The following SLC7A2 variants were observed in gnomAD, a reference collection of about 807,000 sequenced individuals.
SLC7A2 encodes solute carrier family 7 member 2.
Under a neutral mutation model 58.9 loss-of-function variants are expected in SLC7A2, and 48 were observed. The ratio of observed to expected loss-of-function variants is 0.82; its 90% CI spans 0.65 to 1.04. The LOEUF (loss-of-function observed/expected upper bound fraction) is 1.04, where lower values mean the gene tolerates loss of function less well. Among genes scored for constraint, SLC7A2 ranks in the 50% least tolerant of loss-of-function variants. The pLI is 0.00. For synonymous variants in SLC7A2, 363 were observed against 314.5 expected, an observed-to-expected ratio of 1.15 and a Z score of -1.63; for missense variants, 1,029 against 818.8, an observed-to-expected ratio of 1.26 and a Z score of -3.13.
chr8:17,509,220 A>C (rs1210134679), intron 2 of SLC7A2, among the ~76,000 whole-genome samples: 1 of 152,188 alleles, frequency 6.6e-6, no homozygotes, highest in Non-Finnish European at 1.5e-5. Context: ...CTGAAATCTA[A>C]CTTTGTATCC....
At position 17,563,749 on chromosome 8, in the gene SLC7A2, T is replaced by A. The variant is rs373340222; in HGVS notation, c.1780+38T>A. 46 of 1,207,910 alleles carry A rather than the reference T, an allele frequency of 3.8e-5. No homozygotes were observed. In the South Asian group the frequency reaches 4.4e-4, roughly 11 times the overall value. 74.8% of individuals were successfully genotyped at this position (1,207,910 alleles called of 1,614,324 possible). A position where few individuals can be genotyped will look rare whatever the true frequency, so the allele number is the denominator to read the frequency against. On this transcript the variant is annotated intron_variant, in intron 12 of 12. Transcript: ENST00000494857. ...ATGTCGGGTTCTCTTTCCTATTTCA[T>A]GTGCTGTGATGAGAGAAACATGCCC...
chr8:17,507,510 G>T (rs954786895), intron 2 of SLC7A2, among the ~76,000 whole-genome samples: 1 of 151,930 alleles, frequency 6.6e-6, no homozygotes, highest in South Asian at 2.1e-4. Flanking sequence ...CACTGTACCT[G>T]GCCTTTTTAA....
intron 2 of SLC7A2, among the ~76,000 whole-genome samples, chr8:17,504,570 A>G (rs948367462): frequency 9.2e-5 from 14 of 152,322 alleles, no homozygotes; most frequent in African/African-American, 3.4e-4. Context: ...GTATTTCTAT[A>G]TGCATTCCTT....
At chr8:17,528,195 G>A (rs1372726497) in intron 2 of SLC7A2, among the ~76,000 whole-genome samples, 5 of 152,176 alleles carry the variant, frequency 3.3e-5, no homozygotes, top group Non-Finnish European at 5.9e-5. Flanking sequence ...ACCCAGCAGA[G>A]CTCCGTACAC....
intron 2 of SLC7A2, among the ~76,000 whole-genome samples, chr8:17,507,449 A>G (rs951632212): frequency 2.6e-5 from 4 of 152,022 alleles, no homozygotes; most frequent in Non-Finnish European, 5.9e-5. Context: ...CCTGGCCTCA[A>G]ATGATCTTCT....
At chr8:17,551,063 A>G (rs1802425514) in intron 6 of SLC7A2, among the ~76,000 whole-genome samples, 1 of 152,218 alleles carries the variant, frequency 6.6e-6, no homozygotes, top group South Asian at 2.1e-4. Flanking sequence ...TTAAGGGCCT[A>G]CCGAATGGCA....
At chr8:17,554,157 C>G (rs965099605) in intron 7 of SLC7A2, among the ~76,000 whole-genome samples, 4 of 152,070 alleles carry the variant, frequency 2.6e-5, no homozygotes, top group African/African-American at 7.3e-5. Context: ...ATTACTTAGT[C>G]TTTTCTTTAA....
chr8:17,525,690 C>G (rs999087470), intron 2 of SLC7A2, among the ~76,000 whole-genome samples: 2 of 152,168 alleles, frequency 1.3e-5, no homozygotes, highest in Non-Finnish European at 2.9e-5. Flanking sequence ...TATGAGTTTG[C>G]ACTCAGGGTA....
intron 2 of SLC7A2, among the ~76,000 whole-genome samples, chr8:17,509,865 G>C (rs898076505): frequency 6.6e-6 from 1 of 152,076 alleles, no homozygotes; most frequent in Admixed American, 6.6e-5. Context: ...GAAGAAGCCT[G>C]TGTGTTTCAT....
intron 2 of SLC7A2, among the ~76,000 whole-genome samples, chr8:17,507,848 G>A (rs1439551306): frequency 1.3e-5 from 2 of 152,088 alleles, no homozygotes; most frequent in Non-Finnish European, 2.9e-5. Context: ...CAGGAAGAGT[G>A]GAAAAGGAAG....
intron 2 of SLC7A2, among the ~76,000 whole-genome samples, chr8:17,515,483 A>G (rs554024891): frequency 6.6e-6 from 1 of 151,934 alleles, no homozygotes; most frequent in African/African-American, 2.4e-5. Flanking sequence ...TTTAGTAGAG[A>G]TGGGGTTTCA....
At chr8:17,513,277 A>G (rs906693618) in intron 2 of SLC7A2, among the ~76,000 whole-genome samples, 1 of 152,188 alleles carries the variant, frequency 6.6e-6, no homozygotes, top group Admixed American at 6.6e-5. Flanking sequence ...CGTGGACACA[A>G]GGATCCCAAT....
rs867300293 is a variant in SLC7A2 at position 17,544,449 on chromosome 8, A to C, written c.377-2A>C. Reference sequence around the variant, plus strand: ...TCGTATTCTCTGTTCTGTTTTGGGAAGGTACATCAAGTGTTGCAAGAGCCT... The same window carrying C: ...TCGTATTCTCTGTTCTGTTTTGGGACGGTACATCAAGTGTTGCAAGAGCCT... On this transcript the variant is annotated splice_acceptor_variant, in intron 3 of 12. Coordinates refer to ENST00000494857, the MANE Select transcript of SLC7A2 (RefSeq NM_001370338.1). LOFTEE classifies it high-confidence loss of function. 5.0e-6 allele frequency: 8 copies of C among 1,613,420 alleles called. No individual in the cohort carries two copies. Among genetic ancestry groups the C allele is most frequent in the Non-Finnish European group, 6.8e-6 (8 of 1,179,668 alleles).
intron 2 of SLC7A2, among the ~76,000 whole-genome samples, chr8:17,522,702 G>A (rs73666179): frequency 0.035 from 5,312 of 150,812 alleles, 316 homozygotes; most frequent in African/African-American, 0.12. Context: ...TAGCTAGTGA[G>A]GGAAAGCTTC....
chr8:17,516,121 A>C (rs1273821584), intron 2 of SLC7A2, among the ~76,000 whole-genome samples: 1 of 152,132 alleles, frequency 6.6e-6, no homozygotes, highest in Non-Finnish European at 1.5e-5. Context: ...AATAATACCT[A>C]TTCGTGATTC....
chr8:17,515,008 TA>T (rs1179593274), intron 2 of SLC7A2, among the ~76,000 whole-genome samples: 1 of 152,174 alleles, frequency 6.6e-6, no homozygotes, highest in African/African-American at 2.4e-5. Flanking sequence ...GCTATATTGG[TA>T]AAGGCAGTGC....
chr8:17,522,689 T>G (rs1052528753), intron 2 of SLC7A2, among the ~76,000 whole-genome samples: 4 of 151,954 alleles, frequency 2.6e-5, no homozygotes, highest in Non-Finnish European at 1.5e-5. Flanking sequence ...AAATTCTAGC[T>G]AATAGCTAGT....
chr8:17,551,372 G>C (rs183785322), intron 6 of SLC7A2, among the ~76,000 whole-genome samples: 1 of 152,200 alleles, frequency 6.6e-6, no homozygotes, highest in Non-Finnish European at 1.5e-5. Context: ...ATTGAGGAGG[G>C]TGGATCACTT....
intron 2 of SLC7A2, among the ~76,000 whole-genome samples, chr8:17,521,928 G>C (rs1801030127): frequency 6.6e-6 from 1 of 152,176 alleles, no homozygotes; most frequent in Non-Finnish European, 1.5e-5. Context: ...TAAAGAAATT[G>C]TGTTTGGAAA....
Sources: gnomAD v4.1 joint callset for allele counts (sites outside exome capture counted in the v4.1 genomes callset) on GRCh38, gnomAD v4.1.1 for gene constraint, MANE v1.5 for transcripts, NCBI Gene and HGNC (gene_info 2026-07-23, HGNC 2026-07-21) for gene names.